The following PCCA variants were observed in gnomAD, a reference collection of about 807,000 sequenced individuals.
PCCA encodes the protein propionyl-CoA carboxylase subunit alpha.
In PCCA, 74 loss-of-function variants were observed where a neutral mutation model predicts 101.3. The observed-to-expected ratio is 0.73, with a 90% CI of 0.61 to 0.89. The LOEUF is 0.89. Among genes scored for constraint, PCCA ranks in the 40% least tolerant of loss-of-function variants. The pLI is 0.00. For synonymous variants in PCCA, 294 were observed against 313.6 expected, an observed-to-expected ratio of 0.94 and a Z score of 0.66; for missense variants, 891 against 907.0, an observed-to-expected ratio of 0.98 and a Z score of 0.23.
At chr13:100,370,074 C>T (rs368074746) in intron 19 of PCCA, among the ~76,000 whole-genome samples, 16 of 74,658 alleles carry the variant, frequency 2.1e-4, no homozygotes, top group East Asian at 4.8e-4. Flanking sequence ...GCTGTTACTT[C>T]TTTTTTTTTT....
intron 21 of PCCA, among the ~76,000 whole-genome samples, chr13:100,514,373 T>C (rs1288471422): frequency 2.0e-5 from 3 of 152,152 alleles, no homozygotes; most frequent in Non-Finnish European, 4.4e-5. Flanking sequence ...GGAATTATAT[T>C]TTGTTTTTGC....
At chr13:100,103,315 CTTT>C (rs199517193) in intron 2 of PCCA, among the ~76,000 whole-genome samples, 1 of 144,222 alleles carries the variant, frequency 6.9e-6, no homozygotes, top group African/African-American at 2.6e-5. Flanking sequence ...TTACTTAATA[CTTT>C]TTTTTTTTTT....
At chr13:100,134,903 T>A (rs188863255) in intron 4 of PCCA, among the ~76,000 whole-genome samples, 1 of 148,310 alleles carries the variant, frequency 6.7e-6, no homozygotes, top group Non-Finnish European at 1.5e-5. Flanking sequence ...ATCCTGCACA[T>A]GCTTTGTTTT....
rs768914819 is a variant in PCCA, at chr13:100,089,170, G to T, written c.50G>T (p.Arg17Leu). The T allele has an allele frequency of 2.6e-6, 4 of 1,529,592 alleles. No homozygotes were observed. In the South Asian group the frequency reaches 5.0e-5, roughly 19 times the overall value. 94.8% of individuals were successfully genotyped at this position (1,529,592 alleles called of 1,614,324 possible). A position where few individuals can be genotyped will look rare whatever the true frequency, so the allele number is the denominator to read the frequency against. The change falls in exon 1 of 24, where the codon CGT becomes CTT. Residue 17 changes from arginine to leucine, a missense_variant. Coordinates refer to ENST00000376285, the MANE Select transcript of PCCA (RefSeq NM_000282.4). The stretch of plus-strand genomic sequence containing the variant: ...GCACCGCTGGTCGCTGCCGGACGGC[G>T]TGGGCGGTGGCCGCCGCAGCAGCTG... ...GTAPLVAAGR[R>L]GRWPPQQLML...
In PCCA at chr13:100,430,558, G is replaced by A. The variant is rs143690992; in HGVS notation, c.1845+4827G>A. On this transcript the variant is annotated intron_variant, in intron 20 of 23. Coordinates refer to ENST00000376285, the MANE Select transcript of PCCA (RefSeq NM_000282.4). ...GTTTGTGAGCCTGGCCCATGTTGCT[G>A]CCTATAGCTGCAGTTTATCTACTTC... 1.7e-3 allele frequency among the ~76,000 whole-genome samples: 252 copies of A among 152,232 alleles called. 3 individuals carry two copies. Among genetic ancestry groups the A allele is most frequent in the African/African-American group, 5.8e-3 (240 of 41,540 alleles).
At chr13:100,225,254 A>G (rs1024384756) in intron 7 of PCCA, among the ~76,000 whole-genome samples, 3 of 152,208 alleles carry the variant, frequency 2.0e-5, no homozygotes, top group African/African-American at 7.2e-5. Flanking sequence ...GTTCAATGTC[A>G]GGTGTGAAGT....
chr13:100,289,995 A>T (rs145561332), intron 12 of PCCA, among the ~76,000 whole-genome samples: 209 of 152,186 alleles, frequency 1.4e-3, no homozygotes, highest in African/African-American at 4.8e-3. Context: ...TCACATCCTC[A>T]ACTATGTTTC....
At chr13:100,333,163 TG>T (rs1334401061) in intron 17 of PCCA, among the ~76,000 whole-genome samples, 2 of 152,250 alleles carry the variant, frequency 1.3e-5, no homozygotes, top group African/African-American at 4.8e-5. Context: ...GAGTGGTTAC[TG>T]TCTGTCATTC....
intron 19 of PCCA, among the ~76,000 whole-genome samples, chr13:100,387,827 T>C (rs974156993): frequency 1.3e-5 from 2 of 152,232 alleles, no homozygotes; most frequent in South Asian, 2.1e-4. Context: ...GCTGCACCTG[T>C]ACCCTCTTGA....
intron 12 of PCCA, 28 bp from the exon 13 acceptor site, chr13:100,301,432 T>A: frequency 6.2e-7 from 1 of 1,613,494 alleles, no homozygotes; most frequent in Non-Finnish European, 8.5e-7. Context: ...TTTCTACACC[T>A]ACTGACTGGC....
intron 19 of PCCA, among the ~76,000 whole-genome samples, chr13:100,423,040 C>G (rs1260351992): frequency 6.7e-6 from 1 of 149,302 alleles, no homozygotes; most frequent in Non-Finnish European, 1.5e-5. Flanking sequence ...ATGCAGACAT[C>G]GAGTATTGGT....
At chr13:100,402,148 A>G (rs958102145) in intron 19 of PCCA, among the ~76,000 whole-genome samples, 1 of 152,238 alleles carries the variant, frequency 6.6e-6, no homozygotes, top group African/African-American at 2.4e-5. Flanking sequence ...ATTTTTAAAT[A>G]CAACCATTAT....
chr13:100,449,225 A>G, intron 20 of PCCA, 27 bp from the exon 21 acceptor site: 1 of 1,479,948 alleles, frequency 6.8e-7, no homozygotes. Flanking sequence ...ATATGAGTTC[A>G]TTTTATATCT....
chr13:100,427,290 C>G (rs2152896452), intron 20 of PCCA, among the ~76,000 whole-genome samples: 1 of 152,300 alleles, frequency 6.6e-6, no homozygotes, highest in Admixed American at 6.5e-5. Context: ...ATAGACTGTA[C>G]AGTGCATCGA....
intron 13 of PCCA, 79 bp from the exon 14 acceptor site, chr13:100,302,845 C>A (rs2066168492): frequency 1.2e-6 from 1 of 838,302 alleles, no homozygotes; most frequent in African/African-American, 1.7e-5. Context: ...ATAAATGGTT[C>A]TTCATTGTGT....
rs550817289 is a variant in PCCA at position 100,418,269 on chromosome 13, G to A, written c.1747-7364G>A. 2.4e-3 allele frequency among the ~76,000 whole-genome samples: 367 copies of A among 152,228 alleles called. 1 individual carries two copies. The highest frequency in any genetic ancestry group is 4.1e-3 in the Non-Finnish European group (282 of 68,012). On this transcript the variant is annotated intron_variant, in intron 19 of 23. Coordinates refer to ENST00000376285, the MANE Select transcript of PCCA (RefSeq NM_000282.4). Reference sequence around the variant, plus strand: ...GAGCACCTTACCATGGCTGGTGAACGTCCCATACCAAGGGCACAGTTAACA... The same window carrying A: ...GAGCACCTTACCATGGCTGGTGAACATCCCATACCAAGGGCACAGTTAACA...
At chr13:100,529,817 C>T (rs1448924858) in intron 23 of PCCA, among the ~76,000 whole-genome samples, 3 of 152,124 alleles carry the variant, frequency 2.0e-5, no homozygotes, top group African/African-American at 2.4e-5. Flanking sequence ...CAGGCCACAG[C>T]GCAAATGCTC....
chr13:100,375,719 G>T (rs184759903), intron 19 of PCCA, among the ~76,000 whole-genome samples: 21 of 152,324 alleles, frequency 1.4e-4, no homozygotes, highest in Non-Finnish European at 1.3e-4. Context: ...TCAACACTAT[G>T]AAGAAACTGC....
At chr13:100,514,842 C>T (rs1231905196) in intron 21 of PCCA, among the ~76,000 whole-genome samples, 1 of 152,210 alleles carries the variant, frequency 6.6e-6, no homozygotes, top group Non-Finnish European at 1.5e-5. Context: ...TACATAGTGC[C>T]TTTAAGAAAA....
Sources: gnomAD v4.1 joint callset for allele counts (sites outside exome capture counted in the v4.1 genomes callset) on GRCh38, gnomAD v4.1.1 for gene constraint, MANE v1.5 for transcripts, NCBI Gene and HGNC (gene_info 2026-07-23, HGNC 2026-07-21) for gene names.